The following C4orf36 variants were observed in gnomAD, a reference collection of about 807,000 sequenced individuals.
The protein encoded by C4orf36 is uncharacterized protein C4orf36.
C4orf36 carries 11 observed loss-of-function variants against 12.2 expected under a neutral mutation model. The ratio of observed to expected loss-of-function variants is 0.90; its 90% confidence interval spans 0.57 to 1.49. C4orf36 has a LOEUF of 1.49. C4orf36 is among the 40% of genes most tolerant of loss of function. The pLI, the probability that C4orf36 is intolerant of heterozygous loss-of-function variation, is 0.00. For missense variants in C4orf36, 137 were observed against 133.9 expected (o/e 1.02, Z -0.11); for synonymous variants, 54 against 51.3 (o/e 1.05, Z -0.22).
At chr4:86,933,129 A>C in the C4orf36 span, 1 of 151,870 alleles carries the variant, frequency 6.6e-6, no homozygotes, top group African/African-American at 2.4e-5. Flanking sequence ...AAGAGAGAGA[A>C]AGGCAACTTA....
the C4orf36 span, among the ~76,000 whole-genome samples, chr4:86,919,526 T>C: frequency 6.6e-6 from 1 of 152,004 alleles, no homozygotes; most frequent in Non-Finnish European, 1.5e-5. Flanking sequence ...GGTTTCACCA[T>C]GTTGGCCAGG....
At chr4:86,889,250 A>G (rs1205063312) in intron 2 of C4orf36, among the ~76,000 whole-genome samples, 1 of 151,238 alleles carries the variant, frequency 6.6e-6, no homozygotes, top group Non-Finnish European at 1.5e-5. Context: ...CTTGAACCCG[A>G]GAGGTTCTGA....
chr4:86,908,580 A>G, the C4orf36 span, among the ~76,000 whole-genome samples: 4 of 151,914 alleles, frequency 2.6e-5, no homozygotes, highest in South Asian at 4.2e-4. Flanking sequence ...GGCCACTTCA[A>G]TAAGAGAAGT....
the C4orf36 span, chr4:86,914,235 C>T: frequency 6.2e-7 from 1 of 1,600,404 alleles, no homozygotes; most frequent in Non-Finnish European, 8.6e-7. Flanking sequence ...GGTTGGCTTA[C>T]AGACACCATC....
At chr4:86,878,982 T>C (rs756074411) in intron 4 of C4orf36, among the ~76,000 whole-genome samples, 3 of 152,192 alleles carry the variant, frequency 2.0e-5, no homozygotes, top group Non-Finnish European at 2.9e-5. Flanking sequence ...CGCCATACAC[T>C]CTAGCCAGGC....
the C4orf36 span, chr4:86,935,998 T>C: frequency 1.3e-5 from 2 of 151,996 alleles, no homozygotes; most frequent in South Asian, 4.2e-4. Context: ...CTTAGTGTAA[T>C]GGTAGTTGCA....
intron 4 of C4orf36, among the ~76,000 whole-genome samples, chr4:86,880,479 A>G (rs1747027270): frequency 6.6e-6 from 1 of 152,274 alleles, no homozygotes; most frequent in Middle Eastern, 3.4e-3. Flanking sequence ...TCCAGGCCAG[A>G]AGGGAGTGAG....
the C4orf36 span, among the ~76,000 whole-genome samples, chr4:86,919,528 T>G: frequency 6.6e-6 from 1 of 152,030 alleles, no homozygotes; most frequent in Non-Finnish European, 1.5e-5. Context: ...TTTCACCATG[T>G]TGGCCAGGCT....
the C4orf36 span, among the ~76,000 whole-genome samples, chr4:86,919,272 C>A: frequency 6.6e-6 from 1 of 151,334 alleles, no homozygotes; most frequent in East Asian, 1.9e-4. Context: ...TTTACATGAC[C>A]AGGCTGAAAA....
chr4:86,887,672 C>T, intron 4 of C4orf36, 86 bp downstream of exon 4: 1 of 1,537,666 alleles, frequency 6.5e-7, no homozygotes, highest in South Asian at 1.2e-5. Flanking sequence ...CAAATATCTG[C>T]CCTGAACTAT....
At chr4:86,909,734 C>G in the C4orf36 span, among the ~76,000 whole-genome samples, 1 of 151,916 alleles carries the variant, frequency 6.6e-6, no homozygotes, top group African/African-American at 2.4e-5. Context: ...AATCCCCTGC[C>G]CAACTGTGCC....
the C4orf36 span, among the ~76,000 whole-genome samples, chr4:86,906,554 C>T: frequency 6.6e-6 from 1 of 150,932 alleles, no homozygotes; most frequent in Non-Finnish European, 1.5e-5. Flanking sequence ...ATGGCAAAAC[C>T]TAATCTCTAC....
the C4orf36 span, among the ~76,000 whole-genome samples, chr4:86,917,383 A>AGGAT: frequency 6.7e-6 from 1 of 148,728 alleles, no homozygotes; most frequent in Non-Finnish European, 1.5e-5. Context: ...AAGGAAGGAA[A>AGGAT]GGAAGGAAGG....
the C4orf36 span, chr4:86,926,462 A>G: frequency 6.6e-6 from 1 of 152,240 alleles, no homozygotes; most frequent in East Asian, 1.9e-4. Context: ...CACTTCCCCT[A>G]GCAACCTCCA....
At chr4:86,887,658 C>A in intron 4 of C4orf36, 100 bp downstream of exon 4, 1 of 1,336,850 alleles carries the variant, frequency 7.5e-7, no homozygotes. Flanking sequence ...CACCAGTGGG[C>A]ATTCAAATAT....
At chr4:86,878,900 T>C (rs11939730) in intron 4 of C4orf36, among the ~76,000 whole-genome samples, 139,138 of 152,176 alleles carry the variant, frequency 0.91, 64,609 homozygotes, top group Non-Finnish European at 0.99. Context: ...AAGAAGCAAG[T>C]AAACCTTTTT....
the C4orf36 span, among the ~76,000 whole-genome samples, chr4:86,920,927 G>A: frequency 1.2e-4 from 18 of 151,968 alleles, no homozygotes; most frequent in African/African-American, 2.4e-4. Context: ...ATCCCAGCAC[G>A]CCAAGGCAGG....
chr4:86,887,866 A>C lies in C4orf36; in HGVS notation c.248T>G (p.Val83Gly). The C allele has an allele frequency of 6.2e-7, 1 of 1,614,194 alleles. No homozygotes were observed. The highest frequency in any genetic ancestry group is 8.5e-7 in the Non-Finnish European group (1 of 1,180,010). ...ESIKLEREYE[V>G]KRLCKLKCQE... is the part of the protein sequence containing the mutation. ...ACACTTCAGTTTACAAAGACGCTTCACTTCATACTCCCTTTCGAGTTTGAT... is the reference window on the plus strand; with the variant it reads ...ACACTTCAGTTTACAAAGACGCTTCCCTTCATACTCCCTTTCGAGTTTGAT... Residue 83 changes from valine to glycine, a missense_variant, in exon 4 of 5, where the codon GTG (valine) becomes GGG (glycine). Transcript: ENST00000295898.
intron 4 of C4orf36, among the ~76,000 whole-genome samples, chr4:86,886,147 G>A (rs1048923964): frequency 6.6e-6 from 1 of 152,172 alleles, no homozygotes; most frequent in Non-Finnish European, 1.5e-5. Context: ...CAGGGATATT[G>A]GTCTAAAATT....
Sources: gnomAD v4.1 joint callset for allele counts (sites outside exome capture counted in the v4.1 genomes callset) on GRCh38, gnomAD v4.1.1 for gene constraint, MANE v1.5 for transcripts, NCBI Gene and HGNC (gene_info 2026-07-23, HGNC 2026-07-21) for gene names.